The following COG3 variants were observed in gnomAD, a reference collection of about 807,000 sequenced individuals.
COG3 encodes component of oligomeric golgi complex 3.
COG3 carries 32 observed loss-of-function variants against 114.1 expected under a neutral mutation model. The ratio of observed to expected loss-of-function variants is 0.28; its 90% CI spans 0.21 to 0.38. COG3 has a LOEUF of 0.38. Ranked by LOEUF, COG3 falls within the 10% of genes least tolerant of loss-of-function variation. The pLI is 1.00. For synonymous variants in COG3, 352 were observed against 365.7 expected (o/e 0.96, Z 0.43); for missense variants, 813 against 973.2 (o/e 0.84, Z 2.19).
chr13:45,486,502 C>T lies in COG3; in HGVS notation c.851C>T (p.Ser284Leu), dbSNP rs1486680100. The change falls in exon 8 of 23, where the codon TCA becomes TTA. Residue 284 changes from serine (S) to leucine (L), a missense_variant. By Grantham distance (145) the Ser-to-Leu change is moderately radical (BLOSUM62 -2). Around this residue, in one of 2 missense-constraint regions of COG3, gnomAD observed 424 missense variants for 430.6 expected, o/e 0.98. Transcript: ENST00000349995. ...LTSQLLKRDP[S>L]SVPNADNAFT... ...TCCCCCATGTTTCTTTAGGATCCTT[C>T]ATCTGTACCTAATGCAGACAATGCC... 1 of 1,600,682 alleles carries T rather than the reference C, an allele frequency of 6.2e-7. No homozygotes were observed. The highest frequency in any genetic ancestry group is 1.7e-4 in the Middle Eastern group (1 of 6,038).
chr13:45,491,012 T>G (rs557306053), intron 9 of COG3, 54 bp downstream of exon 9: 5 of 1,164,936 alleles, frequency 4.3e-6, no homozygotes, highest in Non-Finnish European at 6.3e-6. Flanking sequence ...CTTGTAGTAC[T>G]GTTTTTCCAA....
chr13:45,508,663 C>T (rs1199718054), intron 14 of COG3, among the ~76,000 whole-genome samples: 3 of 152,260 alleles, frequency 2.0e-5, no homozygotes, highest in East Asian at 3.9e-4. Flanking sequence ...TCAATATCAC[C>T]TGTTGTCTCA....
Position 45,496,159 on chromosome 13 carries a change from A to G in COG3, c.1335A>G (p.Gln445=). ...LEDHVQNNAE[Q]LGAFAAGVKQ... ...ATTGCACTTTTTTATCAGCTGAGCA[A>G]CTGGGGGCATTTGCAGCTGGAGTCA... The change falls in exon 13 of 23, where the codon CAA becomes CAG. Residue 445 remains glutamine, a synonymous_variant. Transcript: ENST00000349995. 6.2e-7 allele frequency: 1 copy of G among 1,607,602 alleles called. No individual in the cohort carries two copies.
chr13:45,511,737 G>C (rs1483881510), intron 15 of COG3, 28 bp from the exon 16 acceptor site: 3 of 1,567,610 alleles, frequency 1.9e-6, no homozygotes, highest in South Asian at 2.2e-5. Context: ...AAATGCCACA[G>C]GCTGATTATT....
intron 21 of COG3, 51 bp from the exon 22 acceptor site, chr13:45,530,631 T>C: frequency 6.5e-6 from 7 of 1,080,422 alleles, no homozygotes; most frequent in Non-Finnish European, 1.0e-5. Flanking sequence ...TTCATGGTGC[T>C]TCGTGTTTAA....
At chr13:45,501,255 G>C (rs1305730457) in intron 13 of COG3, among the ~76,000 whole-genome samples, 1 of 152,050 alleles carries the variant, frequency 6.6e-6, no homozygotes, top group Non-Finnish European at 1.5e-5. Flanking sequence ...GTAAATACTT[G>C]GAACTTCTCT....
At chr13:45,501,530 CTTA>C (rs1869536698) in intron 13 of COG3, among the ~76,000 whole-genome samples, 2 of 152,116 alleles carry the variant, frequency 1.3e-5, no homozygotes, top group South Asian at 2.1e-4. Flanking sequence ...TGAGAACTTT[CTTA>C]TTTCCTGGCA....
intron 1 of COG3, among the ~76,000 whole-genome samples, chr13:45,467,395 C>G (rs1334805384): frequency 6.6e-6 from 1 of 152,196 alleles, no homozygotes; most frequent in East Asian, 1.9e-4. Flanking sequence ...AGTTCAAGAC[C>G]AGCCTGGCCA....
intron 20 of COG3, among the ~76,000 whole-genome samples, chr13:45,527,097 A>G (rs1872763544): frequency 6.6e-6 from 1 of 152,240 alleles, no homozygotes; most frequent in Non-Finnish European, 1.5e-5. Context: ...GTCTTGATGC[A>G]TAATTAACGT....
intron 15 of COG3, among the ~76,000 whole-genome samples, chr13:45,510,229 A>G (rs912704626): frequency 1.3e-5 from 2 of 152,218 alleles, no homozygotes; most frequent in Non-Finnish European, 2.9e-5. Flanking sequence ...ATATTGTAGG[A>G]CTGCACAGTT....
chr13:45,471,395 G>T (rs1424556966), intron 1 of COG3, among the ~76,000 whole-genome samples: 3 of 152,096 alleles, frequency 2.0e-5, no homozygotes, highest in African/African-American at 4.8e-5. Context: ...CTTCAGCCTG[G>T]GTGGCAGAAC....
At chr13:45,517,218 A>G (rs1157261388) in intron 17 of COG3, among the ~76,000 whole-genome samples, 2 of 152,122 alleles carry the variant, frequency 1.3e-5, no homozygotes, top group African/African-American at 2.4e-5. Flanking sequence ...TTTTGGGGCA[A>G]TTAAAAAAAT....
At chr13:45,513,765 C>T (rs972321948) in intron 16 of COG3, among the ~76,000 whole-genome samples, 9 of 151,408 alleles carry the variant, frequency 5.9e-5, no homozygotes, top group Admixed American at 3.3e-4. Context: ...AGTCTGTGCC[C>T]GCACATTTTT....
At chr13:45,531,230 C>G (rs756404420) in intron 22 of COG3, 3 of 197,818 alleles carry the variant, frequency 1.5e-5, no homozygotes, top group Non-Finnish European at 2.8e-5. Context: ...GCACCCATCA[C>G]CCGAGCAGTA....
chr13:45,513,215 TTATATATATATAATA>T (rs1416541980), intron 16 of COG3, among the ~76,000 whole-genome samples: 45,452 of 84,590 alleles, frequency 0.54, 14,078 homozygotes, highest in Admixed American at 0.66. Context: ...TACATATAAA[TTATATATATATAATA>T]TATACATATA....
At chr13:45,509,887 T>G (rs1870664583) in intron 15 of COG3, 71 bp downstream of exon 15, 1 of 1,392,282 alleles carries the variant, frequency 7.2e-7, no homozygotes. Context: ...TTTTAAGATC[T>G]TGATAAAGTA....
chr13:45,509,609 G>A (rs1870631074), intron 14 of COG3, 83 bp from the exon 15 acceptor site: 13 of 1,547,604 alleles, frequency 8.4e-6, no homozygotes, highest in South Asian at 3.6e-5. Context: ...ATGAGAATAA[G>A]CAGTTTATAG....
chr13:45,480,416 C>T, intron 4 of COG3, 126 bp downstream of exon 4: 1 of 642,698 alleles, frequency 1.6e-6, no homozygotes, highest in Non-Finnish European at 2.5e-6. Context: ...AGGCCCTGTG[C>T]TCAGCATGCA....
chr13:45,486,048 G>A (rs1347707515), intron 7 of COG3, among the ~76,000 whole-genome samples: 5 of 109,308 alleles, frequency 4.6e-5, no homozygotes, highest in African/African-American at 1.4e-4. Flanking sequence ...ACGAGACTCC[G>A]TCTGCAATCC....
Sources: gnomAD v4.1 joint callset for allele counts (sites outside exome capture counted in the v4.1 genomes callset) on GRCh38, gnomAD v4.1.1 for gene constraint, gnomAD v4.1.1 regional missense constraint, MANE v1.5 for transcripts, NCBI Gene and HGNC (gene_info 2026-07-23, HGNC 2026-07-21) for gene names.